Variants in ZFHX3 observed in about 807,000 individuals in gnomAD.
ZFHX3 encodes the protein zinc finger homeobox 3.
Under a neutral mutation model 279.1 loss-of-function variants are expected in ZFHX3, and 42 were observed. The observed-to-expected ratio is 0.15, with a 90% CI of 0.12 to 0.19. The LOEUF (loss-of-function observed/expected upper bound fraction) is 0.19, where lower values mean the gene tolerates loss of function less well. ZFHX3 is among the 10% of genes least tolerant of loss of function. ZFHX3 has a pLI of 1.00. For synonymous variants in ZFHX3, 2,293 were observed against 1,957.8 expected (o/e 1.17, Z -4.52); for missense variants, 4,981 against 4,754.0 (o/e 1.05, Z -1.40).
At position 72,958,483 on chromosome 16, in the gene ZFHX3, C is replaced by T. The variant is rs1402890324; in HGVS notation, c.1663G>A (p.Ala555Thr). The stretch of plus-strand genomic sequence containing the variant: ...CCATCAAAGACAACAAAGGAAGAAG[C>T]AGAATTAGAACTAGTAGAAGCTGTG... ...RGTASTSSNS[A>T]SSFVVFDGAN... Residue 555 changes from alanine to threonine, a missense_variant, in exon 2 of 10, where the codon GCT becomes ACT. Coordinates refer to ENST00000268489, the MANE Select transcript of ZFHX3 (RefSeq NM_006885.4). 1.2e-6 allele frequency: 2 copies of T among 1,613,956 alleles called. No individual in the cohort carries two copies. Among genetic ancestry groups the T allele is most frequent in the Admixed American group, 1.7e-5 (1 of 60,006 alleles).
At chr16:73,160,398 T>A (rs977092003) in intron 5 of ZFHX3, among the ~76,000 whole-genome samples, 7 of 152,222 alleles carry the variant, frequency 4.6e-5, no homozygotes, top group Admixed American at 2.6e-4. Flanking sequence ...TTCTAGCATG[T>A]TGATGACCTT....
intron 1 of ZFHX3, among the ~76,000 whole-genome samples, chr16:73,045,429 G>C (rs1965258552): frequency 6.6e-6 from 1 of 152,136 alleles, no homozygotes; most frequent in Admixed American, 6.5e-5. Flanking sequence ...AATTGGCACT[G>C]AGTTGACACA....
intron 4 of ZFHX3, among the ~76,000 whole-genome samples, chr16:72,848,926 G>T (rs994031631): frequency 6.9e-6 from 1 of 144,008 alleles, no homozygotes; most frequent in Non-Finnish European, 1.5e-5. Context: ...CAGGCAGAGC[G>T]CCGGGCTGCC....
intron 2 of ZFHX3, among the ~76,000 whole-genome samples, chr16:73,520,172 T>C (rs1234117773): frequency 6.6e-6 from 1 of 152,198 alleles, no homozygotes; most frequent in Admixed American, 6.5e-5. Flanking sequence ...TTCAAAGTGT[T>C]GCTTCAAATC....
At chr16:73,069,801 C>T (rs1030861497) in intron 8 of ZFHX3, among the ~76,000 whole-genome samples, 10 of 152,146 alleles carry the variant, frequency 6.6e-5, no homozygotes, top group Non-Finnish European at 1.2e-4. Context: ...AATTTCCACC[C>T]GGTCAGAAAA....
rs2892099 is a variant in ZFHX3, at chr16:73,768,686, A to G, written c.-1607-88446T>C. Reference sequence around the variant, plus strand: ...TACACTATGTAAATGTTATAGAATCATCAAACTTTAGAAATAGATTTGAGA... The same window carrying G: ...TACACTATGTAAATGTTATAGAATCGTCAAACTTTAGAAATAGATTTGAGA... On this transcript the variant is annotated intron_variant, in intron 1 of 17. Coordinates refer to the ZFHX3 transcript ENST00000641206. Among the ~76,000 whole-genome samples the G allele has an allele frequency of 1.2e-3, 182 of 152,310 alleles. 1 individual carries two copies. Among genetic ancestry groups the G allele is most frequent in the African/African-American group, 4.0e-3 (166 of 41,576 alleles).
chr16:72,784,410 A>C lies in ZFHX3; in HGVS notation c.*2754T>G, dbSNP rs1352957899. On this transcript the variant is annotated 3_prime_UTR_variant, in exon 10 of 10. Transcript: ENST00000268489. ...TTTTTAAAAACAACGTTTTCAGAGA[A>C]GACCTAGCAGAATTTGACAGGTAAA... is the stretch of plus-strand genomic sequence containing the variant. 6.6e-6 allele frequency: 1 copy of C among 152,612 alleles called. No homozygotes were observed. Among genetic ancestry groups the C allele is most frequent in the African/African-American group, 2.4e-5 (1 of 41,438 alleles). 9.5% of individuals were successfully genotyped at this position (152,612 alleles called of 1,614,324 possible).
At chr16:73,496,362 C>T (rs1356113550) in intron 2 of ZFHX3, among the ~76,000 whole-genome samples, 1 of 152,168 alleles carries the variant, frequency 6.6e-6, no homozygotes, top group East Asian at 1.9e-4. Flanking sequence ...GAAACCCCAT[C>T]TCTACTAAAA....
At chr16:73,190,306 C>T (rs967550898) in intron 5 of ZFHX3, among the ~76,000 whole-genome samples, 1 of 152,112 alleles carries the variant, frequency 6.6e-6, no homozygotes, top group Admixed American at 6.5e-5. Flanking sequence ...GCTTCGCCCA[C>T]CCCCATCCCC....
intron 1 of ZFHX3, among the ~76,000 whole-genome samples, chr16:73,772,764 G>A (rs1050932719): frequency 5.3e-5 from 8 of 152,032 alleles, no homozygotes; most frequent in Non-Finnish European, 7.4e-5. Flanking sequence ...ACTTCATATG[G>A]GGGGTGTGTG....
intron 2 of ZFHX3, among the ~76,000 whole-genome samples, chr16:73,557,390 A>G (rs148988613): frequency 1.3e-5 from 2 of 152,316 alleles, no homozygotes; most frequent in African/African-American, 4.8e-5. Context: ...CACACAAGAA[A>G]GAATTCAGGG....
chr16:73,224,239 G>A (rs188708665), intron 5 of ZFHX3, among the ~76,000 whole-genome samples: 6 of 152,278 alleles, frequency 3.9e-5, no homozygotes, highest in South Asian at 2.1e-4. Flanking sequence ...CCTTCTGGTC[G>A]TGGATATTAA....
chr16:73,608,892 T>C (rs557960933), intron 2 of ZFHX3: 25 of 152,216 alleles, frequency 1.6e-4, no homozygotes. Context: ...TGAACATACA[T>C]ACCACTGAGT....
At chr16:73,757,707 T>C (rs548393464) in intron 1 of ZFHX3, among the ~76,000 whole-genome samples, 6 of 152,278 alleles carry the variant, frequency 3.9e-5, no homozygotes, top group Non-Finnish European at 5.9e-5. Context: ...GGTATTATTA[T>C]TGGAGCACAG....
chr16:73,351,144 A>AC (rs1481189597), intron 3 of ZFHX3, among the ~76,000 whole-genome samples: 1 of 152,174 alleles, frequency 6.6e-6, no homozygotes, highest in Non-Finnish European at 1.5e-5. Context: ...AGGGGAAAAA[A>AC]CCCAAGAGTA....
chr16:73,580,092 T>C (rs2051844127), intron 2 of ZFHX3, among the ~76,000 whole-genome samples: 1 of 151,350 alleles, frequency 6.6e-6, no homozygotes, highest in Non-Finnish European at 1.5e-5. Context: ...TTTAGTATTA[T>C]GAAGAAATAA....
At chr16:73,490,361 C>T (rs112844894) in intron 2 of ZFHX3, among the ~76,000 whole-genome samples, 1 of 152,274 alleles carries the variant, frequency 6.6e-6, no homozygotes, top group African/African-American at 2.4e-5. Context: ...CCATTGAAAA[C>T]GTTTTAATGG....
At chr16:72,835,769 G>C (rs750791135) in intron 4 of ZFHX3, among the ~76,000 whole-genome samples, 3 of 152,098 alleles carry the variant, frequency 2.0e-5, no homozygotes, top group Non-Finnish European at 2.9e-5. Context: ...GCGGCATCCT[G>C]AGACTCATTG....
intron 3 of ZFHX3, among the ~76,000 whole-genome samples, chr16:73,374,799 G>A (rs1027795498): frequency 6.6e-6 from 1 of 152,124 alleles, no homozygotes; most frequent in Non-Finnish European, 1.5e-5. Flanking sequence ...GTCTGATTTT[G>A]CAGATTGCAT....
Sources: allele counts gnomAD v4.1 joint callset (sites outside exome capture counted in the v4.1 genomes callset), GRCh38; gene constraint gnomAD v4.1.1; transcripts MANE v1.5; gene names NCBI Gene and HGNC (gene_info 2026-07-23, HGNC 2026-07-21).